Variants in PDGFRL observed in about 807,000 individuals in gnomAD.
PDGFRL encodes platelet-derived growth factor receptor-like protein.
A neutral mutation model predicts 37.2 loss-of-function variants in PDGFRL; 46 were observed. The observed-to-expected ratio is 1.24, with a 90% CI of 0.98 to 1.58. PDGFRL has a LOEUF of 1.58. Ranked by LOEUF, PDGFRL falls within the 40% of genes most tolerant of loss-of-function variation. PDGFRL has a pLI of 0.00. For synonymous variants in PDGFRL, 251 were observed against 184.3 expected (o/e 1.36, Z -2.93); for missense variants, 692 against 467.6 (o/e 1.48, Z -4.43).
chr8:17,578,472 A>G (rs763970477), intron 1 of PDGFRL, among the ~76,000 whole-genome samples: 10 of 152,250 alleles, frequency 6.6e-5, no homozygotes, highest in Non-Finnish European at 1.2e-4. Flanking sequence ...CAGAGCTTCT[A>G]CTGGGAGAGT....
intron 1 of PDGFRL, among the ~76,000 whole-genome samples, chr8:17,583,334 A>T (rs1282395650): frequency 6.6e-6 from 1 of 152,132 alleles, no homozygotes; most frequent in Non-Finnish European, 1.5e-5. Context: ...ACAGACATTC[A>T]ACTCCAACCT....
At chr8:17,582,686 G>T (rs183558425) in intron 1 of PDGFRL, among the ~76,000 whole-genome samples, 1 of 152,208 alleles carries the variant, frequency 6.6e-6, no homozygotes, top group African/African-American at 2.4e-5. Context: ...GTAAAAGTTT[G>T]GAAAATCTGA....
chr8:17,580,274 G>C lies in PDGFRL; in HGVS notation c.55+2967G>C, dbSNP rs73666190. Among the ~76,000 whole-genome samples, 109 of 152,118 alleles carry C rather than the reference G, an allele frequency of 7.2e-4. 1 individual carries two copies. Among genetic ancestry groups the C allele is most frequent in the African/African-American group, 2.4e-3 (100 of 41,442 alleles). ...GTAAGGACAGAGACACAATGACGAG[G>C]ATTCTCTAACCAAGAGCCTTTGACA... On this transcript the variant is annotated intron_variant, in intron 1 of 5. Coordinates refer to ENST00000251630, the MANE Select transcript of PDGFRL (RefSeq NM_001372073.1).
chr8:17,595,379 G>C (rs1277480190), intron 2 of PDGFRL, among the ~76,000 whole-genome samples: 2 of 152,170 alleles, frequency 1.3e-5, no homozygotes, highest in Non-Finnish European at 2.9e-5. Context: ...CCTGATGGTG[G>C]CACATTCTCT....
rs908735117 is a variant in PDGFRL at position 17,642,957 on chromosome 8, A to T, written c.*156A>T. On this transcript the variant is annotated 3_prime_UTR_variant, in exon 6 of 6. Coordinates refer to ENST00000251630, the MANE Select transcript of PDGFRL (RefSeq NM_001372073.1). The stretch of plus-strand genomic sequence containing the variant: ...GTCCGACCCAGACATCCAAACTAAA[A>T]GGAAGTCATCCAGTCTATTCACAGA... The T allele has an allele frequency of 1.7e-6, 1 of 584,830 alleles. No homozygotes were observed. The highest frequency in any genetic ancestry group is 1.9e-5 in the African/African-American group (1 of 53,424). 36.2% of individuals were successfully genotyped at this position (584,830 alleles called of 1,614,324 possible).
intron 2 of PDGFRL, among the ~76,000 whole-genome samples, chr8:17,594,747 G>A (rs1804015983): frequency 6.6e-6 from 1 of 151,864 alleles, no homozygotes; most frequent in Non-Finnish European, 1.5e-5. Flanking sequence ...TAGAGACAGG[G>A]TTTCACCGTG....
At chr8:17,634,010 C>T (rs928759931) in intron 4 of PDGFRL, 64 bp from the exon 5 acceptor site, 2 of 1,501,374 alleles carry the variant, frequency 1.3e-6, no homozygotes, top group East Asian at 2.3e-5. Flanking sequence ...AAGAATGCAT[C>T]TGTAGGTTTG....
At chr8:17,636,432 G>A (rs553271717) in intron 5 of PDGFRL, among the ~76,000 whole-genome samples, 1 of 151,926 alleles carries the variant, frequency 6.6e-6, no homozygotes, top group African/African-American at 2.4e-5. Flanking sequence ...AAGTATTTGG[G>A]TTTATTTCTG....
intron 2 of PDGFRL, among the ~76,000 whole-genome samples, chr8:17,608,770 A>T (rs1804341007): frequency 6.6e-6 from 1 of 152,198 alleles, no homozygotes; most frequent in African/African-American, 2.4e-5. Context: ...AACAGAAGAC[A>T]GTGTGTGGTC....
intron 2 of PDGFRL, among the ~76,000 whole-genome samples, chr8:17,606,886 G>GTTTTTTTTTTT (rs371085758): frequency 2.2e-5 from 3 of 138,262 alleles, no homozygotes; most frequent in African/African-American, 2.8e-5. Flanking sequence ...TTCGTTTTTT[G>GTTTTTTTTTTT]TTTTTTTGTT....
intron 4 of PDGFRL, among the ~76,000 whole-genome samples, chr8:17,631,218 G>C (rs1264824329): frequency 1.3e-5 from 2 of 152,126 alleles, no homozygotes; most frequent in Non-Finnish European, 2.9e-5. Context: ...CCTCTTGCCA[G>C]CCTTGCAAGG....
chr8:17,586,273 A>G (rs1414653446), intron 1 of PDGFRL, among the ~76,000 whole-genome samples: 1 of 152,106 alleles, frequency 6.6e-6, no homozygotes. Flanking sequence ...GTTTTGACCA[A>G]CATCTCCTCA....
intron 2 of PDGFRL, among the ~76,000 whole-genome samples, chr8:17,603,704 A>T (rs796570538): frequency 6.6e-6 from 1 of 152,216 alleles, no homozygotes; most frequent in East Asian, 1.9e-4. Context: ...TGGTGAGCAA[A>T]ATAGATAAAA....
At chr8:17,589,432 T>G in intron 1 of PDGFRL, 36 bp from the exon 2 acceptor site, 1 of 1,500,322 alleles carries the variant, frequency 6.7e-7, no homozygotes, top group South Asian at 1.2e-5. Context: ...AAAATGTCAT[T>G]ACTACAGCGC....
chr8:17,577,165 G>T, upstream of PDGFRL: 1 of 1,540,548 alleles, frequency 6.5e-7, no homozygotes. Flanking sequence ...CGGCGTCCCA[G>T]GAGCCCGCCC....
At chr8:17,604,070 C>T (rs975497236) in intron 2 of PDGFRL, among the ~76,000 whole-genome samples, 12 of 151,908 alleles carry the variant, frequency 7.9e-5, no homozygotes, top group Admixed American at 1.3e-4. Context: ...GCCTTGTTGG[C>T]CACATTAAGA....
intron 3 of PDGFRL, among the ~76,000 whole-genome samples, 179 bp from the exon 4 acceptor site, chr8:17,628,308 A>G (rs1391031398): frequency 6.6e-6 from 1 of 151,992 alleles, no homozygotes; most frequent in East Asian, 1.9e-4. Context: ...GTTTTCTTTA[A>G]GGAGACAGGA....
intron 2 of PDGFRL, among the ~76,000 whole-genome samples, chr8:17,602,312 G>A (rs1017979033): frequency 6.6e-6 from 1 of 152,148 alleles, no homozygotes; most frequent in African/African-American, 2.4e-5. Context: ...CTGGTCAGAG[G>A]GACAAGCTGG....
chr8:17,585,289 G>T (rs1444524530), intron 1 of PDGFRL, among the ~76,000 whole-genome samples: 1 of 152,098 alleles, frequency 6.6e-6, no homozygotes, highest in African/African-American at 2.4e-5. Context: ...ATCCTGTGAC[G>T]AATGCCTTTA....
Sources: allele counts gnomAD v4.1 joint callset (sites outside exome capture counted in the v4.1 genomes callset), GRCh38; gene constraint gnomAD v4.1.1; transcripts MANE v1.5; gene names NCBI Gene and HGNC (gene_info 2026-07-23, HGNC 2026-07-21).